Variants in C12orf43 observed in about 807,000 individuals in gnomAD.
C12orf43 encodes chromosome 12 open reading frame 43.
In C12orf43, 15 loss-of-function variants were observed where a neutral mutation model predicts 20.6. That is an observed-to-expected ratio of 0.73 (90% CI 0.49 to 1.12). The LOEUF (loss-of-function observed/expected upper bound fraction) is 1.12. C12orf43 is among the 50% of genes most tolerant of loss of function. C12orf43 has a pLI of 0.00. For synonymous variants in C12orf43, 144 were observed against 130.8 expected (o/e 1.10, Z -0.69); for missense variants, 334 against 344.4 (o/e 0.97, Z 0.24).
chr12:121,012,302 CG>C, intron 1 of C12orf43: 1 of 681,956 alleles, frequency 1.5e-6, no homozygotes, highest in Non-Finnish European at 2.7e-6. Context: ...CCCAGTAAAC[CG>C]GGAGCAGCAG....
In C12orf43 at chr12:121,001,015, G is replaced by C. The variant is rs749368168; in HGVS notation, c.*3138C>G. ...GTACCCCTAGGGACAGGCAGGTGGG[G>C]TGGGTGTGGGTGCCTGGTGGGTGGC... On this transcript the variant is annotated 3_prime_UTR_variant, in exon 6 of 6. Transcript: ENST00000288757. The C allele has an allele frequency of 3.1e-6, 5 of 1,609,222 alleles. No homozygotes were observed. In the African/African-American group the frequency reaches 6.7e-5, roughly 21 times the overall value.
intron 1 of C12orf43, among the ~76,000 whole-genome samples, chr12:121,015,295 T>C (rs964780664): frequency 5.9e-5 from 9 of 152,094 alleles, no homozygotes; most frequent in African/African-American, 1.4e-4. Context: ...GGAAGCTACC[T>C]ACAGGAAGTG....
rs940243817 is a variant in C12orf43, at chr12:121,003,926, G to A, written c.*227C>T. ...ACAGCGCCCCCGCCAGCCCTCCGTG[G>A]GAGCACAGAGGGGCAGGCCTTGATT... On this transcript the variant is annotated 3_prime_UTR_variant, in exon 6 of 6. Coordinates refer to ENST00000288757, the MANE Select transcript of C12orf43 (RefSeq NM_022895.3). 8 of 595,830 alleles carry A rather than the reference G, an allele frequency of 1.3e-5. No homozygotes were observed. In the African/African-American group the frequency reaches 1.5e-4, roughly 11 times the overall value. The allele number at this position is 595,830 out of a possible 1,614,324, so 36.9% of individuals were successfully genotyped here.
chr12:121,016,168 C>G, intron 1 of C12orf43, 162 bp downstream of exon 1: 1 of 1,073,398 alleles, frequency 9.3e-7, no homozygotes, highest in Non-Finnish European at 1.4e-6. Context: ...ACCCTCCCTA[C>G]TGCACCTGCC....
chr12:121,012,148 A>T (rs1305053543), intron 1 of C12orf43, among the ~76,000 whole-genome samples: 1 of 152,170 alleles, frequency 6.6e-6, no homozygotes, highest in Non-Finnish European at 1.5e-5. Flanking sequence ...TTGAACAGAG[A>T]TTTGAGAGAG....
rs1877848594 is a variant in C12orf43, at chr12:121,004,768, C to A, written c.452+235G>T. Among the ~76,000 whole-genome samples the A allele has an allele frequency of 3.3e-5, 5 of 152,296 alleles. No homozygotes were observed. In the South Asian group the frequency reaches 1.0e-3, roughly 32 times the overall value. On this transcript the variant is annotated intron_variant, in intron 5 of 5. Transcript: ENST00000288757. The surrounding 1 kb of genome is among the most constrained non-coding windows in gnomAD (Gnocchi z 5.6). ...GGCCTCCCAGGGATGTCCCAGGAGGCAACTATGATCAAGTGAGGTGTCTGG... is the reference window on the plus strand; with the variant it reads ...GGCCTCCCAGGGATGTCCCAGGAGGAAACTATGATCAAGTGAGGTGTCTGG...
Position 121,000,875 on chromosome 12 carries a change from G to A in C12orf43, c.*3278C>T, listed in dbSNP as rs762658249. ...GATGTACTCAGGCCACTCCATGGGC[G>A]GCCGTGGACCCTGGCTGGGAGGCTC... On this transcript the variant is annotated 3_prime_UTR_variant, in exon 6 of 6. Coordinates refer to ENST00000288757, the MANE Select transcript of C12orf43 (RefSeq NM_022895.3). The A allele has an allele frequency of 1.8e-5, 13 of 708,852 alleles. No individual in the cohort carries two copies. The highest frequency in any genetic ancestry group is 3.5e-5 in the African/African-American group (2 of 56,818). The allele number at this position is 708,852 out of a possible 1,614,324, so 43.9% of individuals were successfully genotyped here.
chr12:121,001,893 A>G lies in C12orf43; in HGVS notation c.*2260T>C. ...CCCTCTCCCAGGCCCCATGACCTCC[A>G]GCTTTCCTGTATTTGTTCCCAAGAG... is the stretch of plus-strand genomic sequence containing the variant. On this transcript the variant is annotated 3_prime_UTR_variant, in exon 6 of 6. Coordinates refer to ENST00000288757, the MANE Select transcript of C12orf43 (RefSeq NM_022895.3). 2.0e-6 allele frequency: 1 copy of G among 512,284 alleles called. No individual in the cohort carries two copies. The allele number at this position is 512,284 out of a possible 1,614,324, so 31.7% of individuals were successfully genotyped here.
At chr12:121,006,057 A>G (rs1877987220) in intron 4 of C12orf43, 3 of 381,242 alleles carry the variant, frequency 7.9e-6, no homozygotes, top group South Asian at 6.8e-5. Flanking sequence ...TCTCTAAAAA[A>G]CATAAATAAT....
At position 121,016,443 on chromosome 12, in the gene C12orf43, G is replaced by C; in HGVS notation, c.32C>G (p.Ser11Trp). The part of the protein sequence containing the change: MAAPSGTVSD[S>W]ESSNSSSDAE... ...ATCGCTACTGCTGTTACTACTTTCC[G>C]AATCGCTCACTGTGCCACTGGGCGC... The change falls in exon 1 of 6, where the codon TCG (serine) becomes TGG (tryptophan). Residue 11 changes from serine (S) to tryptophan (W), a missense_variant. Transcript: ENST00000288757. The C allele has an allele frequency of 6.2e-7, 1 of 1,614,048 alleles. No individual in the cohort carries two copies. The highest frequency in any genetic ancestry group is 8.5e-7 in the Non-Finnish European group (1 of 1,180,024).
In C12orf43 at chr12:121,002,427, C is replaced by T. The variant is rs1039663997; in HGVS notation, c.*1726G>A. ...ATTCAGGAAAAGGCCTGGGGTGACC[C>T]GGCACCCCCTGCAGCTTGTAGCCAG... is the stretch of plus-strand genomic sequence containing the variant. On this transcript the variant is annotated 3_prime_UTR_variant, in exon 6 of 6. Coordinates refer to ENST00000288757, the MANE Select transcript of C12orf43 (RefSeq NM_022895.3). The T allele has an allele frequency of 3.8e-5, 20 of 531,378 alleles. No individual in the cohort carries two copies. Among genetic ancestry groups the T allele is most frequent in the South Asian group, 9.2e-5 (6 of 65,136 alleles). The allele number at this position is 531,378 out of a possible 1,614,324, so 32.9% of individuals were successfully genotyped here. A position where few individuals can be genotyped will look rare whatever the true frequency, so the allele number is the denominator to read the frequency against.
chr12:121,016,258 C>A lies in C12orf43; in HGVS notation c.145+72G>T, dbSNP rs1482410303. The A allele has an allele frequency of 2.5e-6, 4 of 1,604,758 alleles. No individual in the cohort carries two copies. In the Admixed American group the frequency reaches 5.0e-5, roughly 20 times the overall value. Reference sequence around the variant, plus strand: ...CCGAGTCCCAGTGACTCTCTCCTCACCATCCATCCTCTCAGGCTCCAGGGG... The same window carrying A: ...CCGAGTCCCAGTGACTCTCTCCTCAACATCCATCCTCTCAGGCTCCAGGGG... On this transcript the variant is annotated intron_variant, in intron 1 of 5. Transcript: ENST00000288757.
At position 121,013,909 on chromosome 12, in the gene C12orf43, T is replaced by C. The variant is rs566590308; in HGVS notation, c.145+2421A>G. The stretch of plus-strand genomic sequence containing the variant: ...TTATGAGAATCAGTTTTCTGTAAAA[T>C]GGGGCTAATACACCCTCTTGTGGCA... On this transcript the variant is annotated intron_variant, in intron 1 of 5. Transcript: ENST00000288757. Among the ~76,000 whole-genome samples the C allele has an allele frequency of 2.0e-5, 3 of 152,316 alleles. No homozygotes were observed. In the South Asian group the frequency reaches 6.2e-4, roughly 32 times the overall value.
intron 1 of C12orf43, among the ~76,000 whole-genome samples, chr12:121,013,013 C>T (rs563636412): frequency 6.6e-6 from 1 of 152,110 alleles, no homozygotes; most frequent in African/African-American, 2.4e-5. Flanking sequence ...AAAGTGGACA[C>T]TTGGTAGCTC....
At position 121,002,469 on chromosome 12, in the gene C12orf43, G is replaced by A. The variant is rs1163097438; in HGVS notation, c.*1684C>T. On this transcript the variant is annotated 3_prime_UTR_variant, in exon 6 of 6. Transcript: ENST00000288757. ...TGTAGCCAGCCGGGGCGAGTGGCACGTTTATTTAACTTTTAGTAAAGTCAA... is the reference window on the plus strand; with the variant it reads ...TGTAGCCAGCCGGGGCGAGTGGCACATTTATTTAACTTTTAGTAAAGTCAA... The A allele has an allele frequency of 1.1e-5, 6 of 523,918 alleles. No homozygotes were observed. The highest frequency in any genetic ancestry group is 1.9e-5 in the Non-Finnish European group (5 of 268,762). 32.5% of individuals were successfully genotyped at this position (523,918 alleles called of 1,614,324 possible). A position where few individuals can be genotyped will look rare whatever the true frequency, so the allele number is the denominator to read the frequency against.
At position 121,000,944 on chromosome 12, in the gene C12orf43, T is replaced by A. The variant is rs370190806; in HGVS notation, c.*3209A>T. 1,889 of 1,379,148 alleles carry A rather than the reference T, an allele frequency of 1.4e-3. 35 individuals are homozygous for A. The South Asian group carries it at 0.02, about 15-fold the overall frequency. The allele number at this position is 1,379,148 out of a possible 1,614,324, so 85.4% of individuals were successfully genotyped here. A position where few individuals can be genotyped will look rare whatever the true frequency, so the allele number is the denominator to read the frequency against. On this transcript the variant is annotated 3_prime_UTR_variant, in exon 6 of 6. Coordinates refer to ENST00000288757, the MANE Select transcript of C12orf43 (RefSeq NM_022895.3). The stretch of plus-strand genomic sequence containing the variant: ...TAGAGGTGTGACTTTGGGGTTCCTG[T>A]TATCTGCTGTGATCCAGGAGGTGTG...
chr12:121,009,849 C>T (rs1878309967), intron 3 of C12orf43, among the ~76,000 whole-genome samples: 1 of 152,234 alleles, frequency 6.6e-6, no homozygotes, highest in Non-Finnish European at 1.5e-5. Flanking sequence ...GGTTATCAAC[C>T]TGTGCTGAGA....
chr12:121,012,849 TAAAAAAAAAAAA>T (rs10636003), intron 1 of C12orf43, among the ~76,000 whole-genome samples: 40,002 of 92,416 alleles, frequency 0.43, 7,121 homozygotes, highest in Middle Eastern at 0.64. Context: ...AGACTCCGTC[TAAAAAAAAAAAA>T]AAAAAAAAAA....
rs1228591476 is a variant in C12orf43, at chr12:121,003,293, T to C, written c.*860A>G. 2 of 152,166 alleles carry C rather than the reference T, an allele frequency of 1.3e-5. No homozygotes were observed. The highest frequency in any genetic ancestry group is 4.8e-5 in the African/African-American group (2 of 41,424). 9.4% of individuals were successfully genotyped at this position (152,166 alleles called of 1,614,324 possible). ...CCACCTCCTTGGCCTCTCAAAATGCTTGGATTACAGGCATGAGCCACTGCA... is the reference window on the plus strand; with the variant it reads ...CCACCTCCTTGGCCTCTCAAAATGCCTGGATTACAGGCATGAGCCACTGCA... On this transcript the variant is annotated 3_prime_UTR_variant, in exon 6 of 6. Transcript: ENST00000288757.
Sources: allele counts gnomAD v4.1 joint callset (sites outside exome capture counted in the v4.1 genomes callset), GRCh38; gene constraint gnomAD v4.1.1; non-coding constraint Gnocchi (gnomAD v3.1); transcripts MANE v1.5; gene names NCBI Gene and HGNC (gene_info 2026-07-23, HGNC 2026-07-21).